CSMD1: variants seen among roughly 807,000 people sequenced by gnomAD.
CSMD1 encodes CUB and Sushi multiple domains 1, also known as CUB and sushi domain-containing protein 1.
In CSMD1, 213 loss-of-function variants were observed where a neutral mutation model predicts 417.5. The observed-to-expected ratio is 0.51, with a 90% confidence interval of 0.46 to 0.57. The LOEUF is 0.57. Among genes scored for constraint, CSMD1 ranks in the 20% least tolerant of loss-of-function variants. The pLI, the probability that CSMD1 is intolerant of heterozygous loss-of-function variation, is 0.00. For missense variants in CSMD1, 6,923 were observed against 4,529.7 expected (o/e 1.53, Z -15.17); for synonymous variants, 2,862 against 1,736.8 (o/e 1.65, Z -16.11).
intron 4 of CSMD1, among the ~76,000 whole-genome samples, chr8:4,021,977 G>A (rs534799564): frequency 6.6e-6 from 1 of 151,774 alleles, no homozygotes; most frequent in East Asian, 1.9e-4. Flanking sequence ...GTGCTGCCTA[G>A]GAAAGGATAG....
chr8:4,350,182 T>C (rs991850456), intron 3 of CSMD1, among the ~76,000 whole-genome samples: 1 of 152,128 alleles, frequency 6.6e-6, no homozygotes, highest in African/African-American at 2.4e-5. Flanking sequence ...AGCCTTCTCT[T>C]CTTTTTGCTG....
At chr8:3,353,319 T>A (rs1808536683) in intron 21 of CSMD1, among the ~76,000 whole-genome samples, 1 of 152,208 alleles carries the variant, frequency 6.6e-6, no homozygotes, top group Non-Finnish European at 1.5e-5. Flanking sequence ...TCAAATTAAA[T>A]CAGAAGAATT....
intron 26 of CSMD1, among the ~76,000 whole-genome samples, chr8:3,238,134 G>T (rs929761978): frequency 6.6e-6 from 1 of 151,856 alleles, no homozygotes; most frequent in East Asian, 1.9e-4. Context: ...ATAAGATTTG[G>T]GTACGTAAAG....
intron 2 of CSMD1, among the ~76,000 whole-genome samples, chr8:4,456,997 A>T (rs73660862): frequency 6.6e-6 from 1 of 151,502 alleles, no homozygotes; most frequent in South Asian, 2.1e-4. Context: ...AAAAAAAAAA[A>T]AACAACAAGA....
intron 3 of CSMD1, among the ~76,000 whole-genome samples, chr8:4,371,230 G>C (rs748770584): frequency 5.3e-5 from 8 of 152,138 alleles, no homozygotes; most frequent in Middle Eastern, 6.3e-3. Flanking sequence ...CTCTCACCGT[G>C]GGGGATTAGG....
At position 4,606,688 on chromosome 8, in the gene CSMD1, T is replaced by A. The variant is rs140465849; in HGVS notation, c.302+30654A>T. Reference sequence around the variant, plus strand: ...TATTCACTTGGATGACTTCTGTACATAATATTGTATTATTGATCTATCCTC... The same window carrying A: ...TATTCACTTGGATGACTTCTGTACAAAATATTGTATTATTGATCTATCCTC... On this transcript the variant is annotated intron_variant, in intron 2 of 69. Transcript: ENST00000635120. Among the ~76,000 whole-genome samples the A allele has an allele frequency of 3.8e-3, 572 of 152,342 alleles. 4 individuals are homozygous for A. The highest frequency in any genetic ancestry group is 0.013 in the African/African-American group (540 of 41,572).
intron 1 of CSMD1, among the ~76,000 whole-genome samples, chr8:4,974,051 C>A (rs1487962489): frequency 6.6e-6 from 1 of 152,152 alleles, no homozygotes; most frequent in African/African-American, 2.4e-5. Flanking sequence ...GACAGAGTCT[C>A]ACCCTGTTGC....
chr8:3,402,304 C>G (rs893225519), intron 15 of CSMD1, among the ~76,000 whole-genome samples: 2 of 152,006 alleles, frequency 1.3e-5, no homozygotes, highest in African/African-American at 4.8e-5. Flanking sequence ...ACATTTTATA[C>G]TTTTTATGTG....
intron 3 of CSMD1, among the ~76,000 whole-genome samples, chr8:4,256,516 C>G (rs924525429): frequency 6.6e-6 from 1 of 152,146 alleles, no homozygotes; most frequent in Non-Finnish European, 1.5e-5. Flanking sequence ...AAGAAATAAA[C>G]AGTTATAAAC....
At chr8:2,962,847 G>A (rs1451527802) in intron 60 of CSMD1, among the ~76,000 whole-genome samples, 5 of 152,198 alleles carry the variant, frequency 3.3e-5, no homozygotes, top group Non-Finnish European at 5.9e-5. Flanking sequence ...TCAGGAGTTC[G>A]AGACTAGCCT....
intron 2 of CSMD1, among the ~76,000 whole-genome samples, chr8:4,599,548 AC>A (rs1181984241): frequency 2.0e-5 from 3 of 152,090 alleles, no homozygotes; most frequent in Admixed American, 2.0e-4. Flanking sequence ...ATATAAAATT[AC>A]AAAAAAAAAT....
intron 1 of CSMD1, among the ~76,000 whole-genome samples, chr8:4,921,697 A>T (rs1806509129): frequency 6.6e-6 from 1 of 152,140 alleles, no homozygotes; most frequent in African/African-American, 2.4e-5. Context: ...TGTGTACAGG[A>T]ATGTGTATGC....
chr8:4,155,977 C>G (rs1796813264), intron 3 of CSMD1, among the ~76,000 whole-genome samples: 1 of 152,166 alleles, frequency 6.6e-6, no homozygotes, highest in African/African-American at 2.4e-5. Flanking sequence ...TCACCAAAGT[C>G]TGCTGATAAA....
chr8:3,331,224 C>T (rs1287223419), intron 23 of CSMD1, among the ~76,000 whole-genome samples: 4 of 134,026 alleles, frequency 3.0e-5, no homozygotes, highest in African/African-American at 1.3e-4. Flanking sequence ...GCCGACAGAA[C>T]GAGACTCCGT....
At chr8:4,644,494 C>A (rs1195028395) in intron 1 of CSMD1, among the ~76,000 whole-genome samples, 2 of 152,156 alleles carry the variant, frequency 1.3e-5, no homozygotes, top group African/African-American at 2.4e-5. Context: ...GCAGCCTCCA[C>A]CTCCCAGGTT....
At chr8:4,029,466 G>A (rs1040907237) in intron 4 of CSMD1, among the ~76,000 whole-genome samples, 1 of 152,108 alleles carries the variant, frequency 6.6e-6, no homozygotes, top group Non-Finnish European at 1.5e-5. Context: ...CCTGTGCAGA[G>A]AAACACCCAT....
chr8:3,791,855 A>G (rs182713772), intron 5 of CSMD1, among the ~76,000 whole-genome samples: 120 of 152,128 alleles, frequency 7.9e-4, no homozygotes, highest in South Asian at 1.2e-3. Flanking sequence ...ATAATGTATC[A>G]AACCCTTTGT....
At chr8:4,117,259 A>G (rs900588990) in intron 3 of CSMD1, among the ~76,000 whole-genome samples, 31 of 151,492 alleles carry the variant, frequency 2.0e-4, no homozygotes, top group Non-Finnish European at 7.4e-5. Flanking sequence ...CTCATCTATA[A>G]TCCCAAGGAA....
At chr8:4,882,102 G>C (rs557486892) in intron 1 of CSMD1, among the ~76,000 whole-genome samples, 1 of 152,042 alleles carries the variant, frequency 6.6e-6, no homozygotes, top group South Asian at 2.1e-4. Flanking sequence ...TTTAACCACA[G>C]TATTTTGTAA....
Sources: allele counts gnomAD v4.1 joint callset (sites outside exome capture counted in the v4.1 genomes callset), GRCh38; gene constraint gnomAD v4.1.1; transcripts MANE v1.5; gene names NCBI Gene and HGNC (gene_info 2026-07-23, HGNC 2026-07-21).